Variants in MPPE1 observed in about 807,000 individuals in gnomAD.
The protein encoded by MPPE1 is metallo phosphoesterase.
MPPE1 carries 28 observed loss-of-function variants against 43.8 expected under a neutral mutation model. The ratio of observed to expected loss-of-function variants is 0.64; its 90% CI spans 0.47 to 0.88. The LOEUF is 0.88. Among genes scored for constraint, MPPE1 ranks in the 40% least tolerant of loss-of-function variants. MPPE1 has a pLI of 0.00. For missense variants in MPPE1, 428 were observed against 492.2 expected (o/e 0.87, Z 1.23); for synonymous variants, 159 against 188.5 (o/e 0.84, Z 1.28).
At chr18:11,900,425 A>G (rs1598581705) in intron 2 of MPPE1, among the ~76,000 whole-genome samples, 1 of 151,876 alleles carries the variant, frequency 6.6e-6, no homozygotes. Context: ...AGAATCACTT[A>G]AACCCAGGAC....
intron 4 of MPPE1, among the ~76,000 whole-genome samples, chr18:11,889,992 G>A (rs1448203590): frequency 6.6e-6 from 1 of 150,918 alleles, no homozygotes; most frequent in Non-Finnish European, 1.5e-5. Flanking sequence ...GCCCAGGCTG[G>A]AGTGCAGTGG....
chr18:11,896,971 T>C lies in MPPE1; in HGVS notation c.281+13A>G. The C allele has an allele frequency of 1.2e-6, 2 of 1,603,662 alleles. No individual in the cohort carries two copies. The highest frequency in any genetic ancestry group is 8.5e-7 in the Non-Finnish European group (1 of 1,173,368). ...TACAGAATTTTAGAAAGATTCCTGATTTTACCTCTTACCTTCGTAATTTGT... is the reference window on the plus strand; with the variant it reads ...TACAGAATTTTAGAAAGATTCCTGACTTTACCTCTTACCTTCGTAATTTGT... On this transcript the variant is annotated intron_variant, in intron 3 of 10. Transcript: ENST00000588072.
At chr18:11,894,227 G>A (rs1432877154) in intron 3 of MPPE1, among the ~76,000 whole-genome samples, 1 of 152,010 alleles carries the variant, frequency 6.6e-6, no homozygotes, top group Non-Finnish European at 1.5e-5. Flanking sequence ...AGGAGTTCAA[G>A]AGCAGCCTGG....
chr18:11,888,948 C>T (rs2037654828), intron 5 of MPPE1, among the ~76,000 whole-genome samples: 1 of 152,184 alleles, frequency 6.6e-6, no homozygotes, highest in Non-Finnish European at 1.5e-5. Context: ...CTCAGCTGCC[C>T]AGGGCCTCAG....
At position 11,886,448 on chromosome 18, in the gene MPPE1, T is replaced by A. The variant is rs1390308443; in HGVS notation, c.867+51A>T. On this transcript the variant is annotated intron_variant, in intron 9 of 10. Transcript: ENST00000588072. The surrounding 1 kb of genome is among the most constrained non-coding windows in gnomAD (Gnocchi z 4.1). The stretch of plus-strand genomic sequence containing the variant: ...GCACTCTGCTTGTTGACATGCAAGG[T>A]GATGAGAGTCACACTGTGACATGAA... 1 of 1,613,330 alleles carries A rather than the reference T, an allele frequency of 6.2e-7. No homozygotes were observed. The highest frequency in any genetic ancestry group is 8.5e-7 in the Non-Finnish European group (1 of 1,179,826).
At chr18:11,900,696 A>T (rs1001499837) in intron 2 of MPPE1, among the ~76,000 whole-genome samples, 6 of 152,038 alleles carry the variant, frequency 3.9e-5, no homozygotes, top group African/African-American at 1.2e-4. Flanking sequence ...TCACGAGGTC[A>T]GGAGATCGAG....
intron 2 of MPPE1, among the ~76,000 whole-genome samples, chr18:11,903,723 G>A (rs925140313): frequency 9.2e-5 from 14 of 152,092 alleles, no homozygotes; most frequent in Non-Finnish European, 1.8e-4. Flanking sequence ...GGAGAATGGC[G>A]TGAACCCAGG....
chr18:11,905,718 C>T (rs1439013220), intron 2 of MPPE1: 1 of 152,292 alleles, frequency 6.6e-6, no homozygotes, highest in African/African-American at 2.4e-5. Context: ...TGCAGACACC[C>T]CCACCCCGGT....
At position 11,886,525 on chromosome 18, in the gene MPPE1, C is replaced by T. The variant is rs778436785; in HGVS notation, c.841G>A (p.Val281Met). The change falls in exon 9 of 11, where the codon GTG becomes ATG. Residue 281 changes from valine to methionine, a missense_variant. Val to Met is a conservative substitution (Grantham distance 21). This residue lies in a region of MPPE1 where 379 missense variants were observed against 402.5 expected (regional missense o/e 0.94). Transcript: ENST00000588072. The surrounding 1 kb of genome is among the most constrained non-coding windows in gnomAD (Gnocchi z 4.1). ...RDIPFKENYD[V>M]LSREASQKLL... The stretch of plus-strand genomic sequence containing the variant: ...TTTTGTGATGCCTCCCGTGAAAGCA[C>T]GTCATAGTTCTCCTTAAATGGGATG... 8.1e-5 allele frequency: 131 copies of T among 1,614,064 alleles called. No homozygotes were observed. The highest frequency in any genetic ancestry group is 1.1e-4 in the Non-Finnish European group (124 of 1,180,052).
intron 5 of MPPE1, among the ~76,000 whole-genome samples, 167 bp downstream of exon 5, chr18:11,889,220 T>G (rs1417344454): frequency 6.6e-6 from 1 of 152,216 alleles, no homozygotes; most frequent in Non-Finnish European, 1.5e-5. Flanking sequence ...GGGTGTACTA[T>G]GCACCAAGTA....
At chr18:11,906,515 G>T (rs1484948087) in intron 1 of MPPE1, among the ~76,000 whole-genome samples, 1 of 152,028 alleles carries the variant, frequency 6.6e-6, no homozygotes, top group Non-Finnish European at 1.5e-5. Flanking sequence ...AAACATTTCT[G>T]CCCAACATGT....
intron 2 of MPPE1, among the ~76,000 whole-genome samples, chr18:11,900,897 A>G (rs1399195616): frequency 2.1e-5 from 3 of 144,432 alleles, no homozygotes; most frequent in Non-Finnish European, 3.0e-5. Context: ...ACAGAGCAAG[A>G]CTCCGTCTCA....
At chr18:11,887,084 A>G (rs1598487231) in intron 6 of MPPE1, 59 bp from the exon 7 acceptor site, 2 of 1,263,510 alleles carry the variant, frequency 1.6e-6, no homozygotes, top group Non-Finnish European at 2.2e-6. Flanking sequence ...TCTTTTCCCT[A>G]CTGTTCCCAT....
chr18:11,889,524 GAACC>G, intron 4 of MPPE1, 34 bp from the exon 5 acceptor site: 1 of 1,514,996 alleles, frequency 6.6e-7, no homozygotes, highest in Non-Finnish European at 9.1e-7. Flanking sequence ...GAGAGCCAGA[GAACC>G]ATCTCTGCCC....
At chr18:11,906,870 A>AC (rs2039772893) in intron 1 of MPPE1, among the ~76,000 whole-genome samples, 2 of 151,836 alleles carry the variant, frequency 1.3e-5, no homozygotes, top group Admixed American at 1.3e-4. Flanking sequence ...AAAAAAAAAA[A>AC]AATTTATCTT....
chr18:11,893,522 T>C lies in MPPE1; in HGVS notation c.336A>G (p.Glu112=), dbSNP rs2038237766. 1 of 1,614,062 alleles carries C rather than the reference T, an allele frequency of 6.2e-7. No homozygotes were observed. Among genetic ancestry groups the C allele is most frequent in the African/African-American group, 1.3e-5 (1 of 74,930 alleles). The part of the protein sequence containing the change: ...FQTALWLLQP[E]VVFILGDIFD... ...AGATATCCCCCAGGATGAAGACGAC[T>C]TCCGGCTGCAGCAACCACAGAGCTG... Residue 112 remains glutamate, a synonymous_variant, in exon 4 of 11, where the codon GAA becomes GAG. Coordinates refer to ENST00000588072, the MANE Select transcript of MPPE1 (RefSeq NM_023075.6).
chr18:11,898,923 T>C (rs200162589), intron 2 of MPPE1, among the ~76,000 whole-genome samples: 17 of 151,582 alleles, frequency 1.1e-4, no homozygotes, highest in South Asian at 6.3e-4. Flanking sequence ...TTTTTTTTTT[T>C]CTGAGACAGA....
chr18:11,907,508 C>T (rs994779792), intron 1 of MPPE1, among the ~76,000 whole-genome samples: 3 of 137,758 alleles, frequency 2.2e-5, no homozygotes, highest in African/African-American at 3.0e-5. Flanking sequence ...GAATTAATCC[C>T]TTCAAATATT....
intron 3 of MPPE1, among the ~76,000 whole-genome samples, 194 bp from the exon 4 acceptor site, chr18:11,893,770 G>A (rs1248090855): frequency 6.6e-6 from 1 of 152,164 alleles, no homozygotes; most frequent in African/African-American, 2.4e-5. Context: ...TTAAGTATCA[G>A]AGAAGAGTCC....
Sources: gnomAD v4.1 joint callset for allele counts (sites outside exome capture counted in the v4.1 genomes callset) on GRCh38, gnomAD v4.1.1 for gene constraint, gnomAD v4.1.1 regional missense constraint, Gnocchi (gnomAD v3.1) non-coding constraint, MANE v1.5 for transcripts, NCBI Gene and HGNC (gene_info 2026-07-23, HGNC 2026-07-21) for gene names.